RSPO2: variants seen among roughly 807,000 people sequenced by gnomAD.
RSPO2 encodes R-spondin-2.
A neutral mutation model predicts 30.9 loss-of-function variants in RSPO2; 14 were observed. That is an observed-to-expected ratio of 0.45 (90% CI 0.30 to 0.71). RSPO2 has a LOEUF of 0.71. Ranked by LOEUF, RSPO2 falls within the 30% of genes least tolerant of loss-of-function variation. The pLI is 0.08. For synonymous variants in RSPO2, 107 were observed against 96.4 expected (o/e 1.11, Z -0.64); for missense variants, 264 against 301.9 (o/e 0.87, Z 0.93).
chr8:107,915,353 CCTT>C (rs1811946606), intron 5 of RSPO2, among the ~76,000 whole-genome samples: 2 of 152,044 alleles, frequency 1.3e-5, no homozygotes, highest in African/African-American at 4.8e-5. Context: ...TCTGCCAACA[CCTT>C]CTTCCTTCTC....
At chr8:107,927,764 A>G (rs1317487777) in intron 5 of RSPO2, among the ~76,000 whole-genome samples, 1 of 152,126 alleles carries the variant, frequency 6.6e-6, no homozygotes, top group African/African-American at 2.4e-5. Context: ...ATCATGGTGG[A>G]TAAGCTTTTT....
intron 2 of RSPO2, among the ~76,000 whole-genome samples, chr8:108,064,052 G>T (rs372700746): frequency 2.0e-5 from 3 of 152,036 alleles, no homozygotes; most frequent in Non-Finnish European, 4.4e-5. Flanking sequence ...AGACTTAAAC[G>T]TTAGACCTAA....
chr8:107,973,316 C>G (rs1433176274), intron 3 of RSPO2, among the ~76,000 whole-genome samples: 1 of 151,714 alleles, frequency 6.6e-6, no homozygotes, highest in Non-Finnish European at 1.5e-5. Context: ...TCAGATTTTT[C>G]TAATATTTGC....
intron 2 of RSPO2, among the ~76,000 whole-genome samples, chr8:108,057,469 A>G (rs904751049): frequency 2.0e-5 from 3 of 151,622 alleles, no homozygotes. Flanking sequence ...GTAAGTGGCT[A>G]TAAAAAAAAT....
intron 3 of RSPO2, among the ~76,000 whole-genome samples, chr8:107,975,219 T>C (rs1814166685): frequency 6.6e-6 from 1 of 152,248 alleles, no homozygotes; most frequent in Non-Finnish European, 1.5e-5. Context: ...TTTACATGAC[T>C]TTAAATGCTA....
At chr8:107,987,177 G>A (rs1473480744) in intron 3 of RSPO2, among the ~76,000 whole-genome samples, 2 of 152,074 alleles carry the variant, frequency 1.3e-5, no homozygotes, top group Non-Finnish European at 2.9e-5. Flanking sequence ...TTAGTTACCA[G>A]GCCCCACTGG....
intron 5 of RSPO2, among the ~76,000 whole-genome samples, chr8:107,902,074 AAAG>A (rs888946485): frequency 2.0e-5 from 3 of 152,194 alleles, no homozygotes; most frequent in African/African-American, 7.2e-5. Flanking sequence ...TTTTGAGAAA[AAAG>A]AATAAAGAAC....
At chr8:108,055,903 T>C (rs1375612150) in intron 2 of RSPO2, among the ~76,000 whole-genome samples, 2 of 152,162 alleles carry the variant, frequency 1.3e-5, no homozygotes, top group Non-Finnish European at 2.9e-5. Context: ...CAGCTTCACA[T>C]TTCCATCTCG....
intron 2 of RSPO2, among the ~76,000 whole-genome samples, chr8:108,061,880 C>A (rs988913470): frequency 1.3e-4 from 19 of 151,860 alleles, no homozygotes; most frequent in Non-Finnish European, 2.6e-4. Context: ...GATTAAGAAA[C>A]TCACTCAAAA....
chr8:107,999,560 G>A (rs757578015), intron 2 of RSPO2, among the ~76,000 whole-genome samples: 5 of 151,900 alleles, frequency 3.3e-5, no homozygotes, highest in Admixed American at 1.3e-4. Context: ...TCAGCCTCCC[G>A]AGTAGTTGGG....
At chr8:108,015,521 AC>A (rs1379419355) in intron 2 of RSPO2, among the ~76,000 whole-genome samples, 3 of 151,862 alleles carry the variant, frequency 2.0e-5, no homozygotes, top group African/African-American at 2.4e-5. Flanking sequence ...CTCAACTGTG[AC>A]CCCTGTCCTT....
intron 2 of RSPO2, among the ~76,000 whole-genome samples, chr8:108,003,277 GTATATATATATATATATATA>G (rs59782097): frequency 1.8e-5 from 1 of 56,374 alleles, no homozygotes; most frequent in Non-Finnish European, 3.4e-5. Flanking sequence ...GTGTGTGTGT[GTATATATATATATATATATA>G]TATATATATA....
chr8:108,051,187 G>A (rs186376240), intron 2 of RSPO2, among the ~76,000 whole-genome samples: 143 of 152,262 alleles, frequency 9.4e-4, no homozygotes, highest in Admixed American at 3.4e-3. Context: ...GGGAATAAAA[G>A]TAGTTGACTT....
intron 2 of RSPO2, among the ~76,000 whole-genome samples, chr8:108,059,680 A>T (rs4431570): frequency 0.61 from 87,726 of 144,406 alleles, 28,506 homozygotes; most frequent in African/African-American, 0.87. Context: ...CCATAAAAAA[A>T]GATGAGTTCA....
chr8:107,970,635 C>G, intron 3 of RSPO2, among the ~76,000 whole-genome samples: 1 of 152,174 alleles, frequency 6.6e-6, no homozygotes, highest in Non-Finnish European at 1.5e-5. Context: ...ATATTTTTAA[C>G]TTTATTCACA....
intron 2 of RSPO2, among the ~76,000 whole-genome samples, chr8:108,065,369 C>G (rs1421672548): frequency 6.6e-6 from 1 of 151,392 alleles, no homozygotes; most frequent in Non-Finnish European, 1.5e-5. Flanking sequence ...TTGTCTTACT[C>G]CAGCAAGAGT....
chr8:107,933,460 A>T (rs960178398), intron 5 of RSPO2, among the ~76,000 whole-genome samples: 1 of 152,170 alleles, frequency 6.6e-6, no homozygotes, highest in Non-Finnish European at 1.5e-5. Flanking sequence ...ATATAAATTT[A>T]TCACCCTCTC....
In RSPO2 at chr8:108,063,015, A is replaced by G. The variant is rs151267845; in HGVS notation, c.94+19530T>C. 5.9e-3 allele frequency among the ~76,000 whole-genome samples: 897 copies of G among 151,940 alleles called. 29 individuals carry two copies. Among genetic ancestry groups the G allele is most frequent in the African/African-American group, 0.02 (813 of 41,188 alleles). ...GCTAAAAACTCTCAATAAATTAGGT[A>G]TTGATAGGAAGTATCTCAAAATAAT... On this transcript the variant is annotated intron_variant, in intron 2 of 5. Transcript: ENST00000276659.
intron 2 of RSPO2, among the ~76,000 whole-genome samples, chr8:108,006,426 A>G (rs1307119583): frequency 1.3e-5 from 2 of 152,156 alleles, no homozygotes; most frequent in Admixed American, 1.3e-4. Flanking sequence ...ATAATGTAAT[A>G]TTAGATGAAA....
Sources: gnomAD v4.1 joint callset for allele counts (sites outside exome capture counted in the v4.1 genomes callset) on GRCh38, gnomAD v4.1.1 for gene constraint, MANE v1.5 for transcripts, NCBI Gene and HGNC (gene_info 2026-07-23, HGNC 2026-07-21) for gene names.